RAP1GDS1: variants seen among roughly 807,000 people sequenced by gnomAD.
The protein encoded by RAP1GDS1 is Rap1 GTPase-GDP dissociation stimulator 1, also known as RAP1, GTP-GDP dissociation stimulator 1.
In RAP1GDS1, 35 loss-of-function variants were observed where a neutral mutation model predicts 71.1. That is an observed-to-expected ratio of 0.49 (90% confidence interval 0.38 to 0.65). The LOEUF is 0.65. RAP1GDS1 is among the 30% of genes least tolerant of loss of function. The probability of loss-of-function intolerance (pLI) is 0.00; values close to 1 mark genes in which losing one functional copy is unlikely to be tolerated. For synonymous variants in RAP1GDS1, 229 were observed against 243.1 expected (o/e 0.94, Z 0.54); for missense variants, 663 against 706.1 (o/e 0.94, Z 0.69).
At chr4:98,333,683 C>T (rs1438854901) in intron 2 of RAP1GDS1, among the ~76,000 whole-genome samples, 1 of 151,994 alleles carries the variant, frequency 6.6e-6, no homozygotes, top group Non-Finnish European at 1.5e-5. Context: ...TTATCTTTAA[C>T]AATTATACCT....
intron 5 of RAP1GDS1, among the ~76,000 whole-genome samples, chr4:98,381,937 A>ATGTC (rs1324073595): frequency 6.6e-6 from 1 of 151,580 alleles, no homozygotes; most frequent in African/African-American, 2.4e-5. Context: ...GAAACTTAGA[A>ATGTC]TGTCTTGATT....
intron 4 of RAP1GDS1, among the ~76,000 whole-genome samples, chr4:98,368,320 T>G (rs2110460421): frequency 6.6e-6 from 1 of 152,278 alleles, no homozygotes; most frequent in East Asian, 1.9e-4. Flanking sequence ...AATTGCCTAG[T>G]CTTGTGTATG....
At chr4:98,433,839 T>C in intron 12 of RAP1GDS1, 97 bp from the exon 13 acceptor site, 1 of 1,210,214 alleles carries the variant, frequency 8.3e-7, no homozygotes, top group Non-Finnish European at 1.2e-6. Flanking sequence ...TACAGGACAC[T>C]GTCGCAAAAC....
At chr4:98,424,951 TAAGAC>T (rs2110200743) in intron 12 of RAP1GDS1, among the ~76,000 whole-genome samples, 1 of 152,274 alleles carries the variant, frequency 6.6e-6, no homozygotes, top group African/African-American at 2.4e-5. Context: ...TATCTAAAGT[TAAGAC>T]AAAGGAAAGA....
chr4:98,388,507 C>T (rs1743100882), intron 5 of RAP1GDS1, among the ~76,000 whole-genome samples: 1 of 152,154 alleles, frequency 6.6e-6, no homozygotes, highest in Non-Finnish European at 1.5e-5. Flanking sequence ...GGATGGATCG[C>T]CTGAGGTCAG....
In RAP1GDS1 at chr4:98,343,196, T is replaced by G; in HGVS notation, c.170T>G (p.Leu57Arg). 6.2e-7 allele frequency: 1 copy of G among 1,605,692 alleles called. No homozygotes were observed. Among genetic ancestry groups the G allele is most frequent in the Non-Finnish European group, 8.5e-7 (1 of 1,172,480 alleles). Reference protein sequence around the residue: ...ASGILQLFASLLTPQSSCKAK... With the variant: ...ASGILQLFASRLTPQSSCKAK... The stretch of plus-strand genomic sequence containing the variant: ...GGAATACTTCAGCTGTTTGCAAGTC[T>G]GTTGACTCCACAGTCTTCCTGCAAA... The change falls in exon 3 of 15, where the codon CTG (leucine) becomes CGG (arginine). Residue 57 changes from leucine to arginine, a missense_variant. Leu to Arg is a moderately radical substitution (Grantham distance 102, BLOSUM62 -2). Transcript: ENST00000408927.
chr4:98,265,679 T>C (rs1722627282), intron 1 of RAP1GDS1, among the ~76,000 whole-genome samples: 2 of 152,106 alleles, frequency 1.3e-5, no homozygotes, highest in Non-Finnish European at 2.9e-5. Context: ...GGAATGGGGT[T>C]CCTTAAGTTT....
intron 7 of RAP1GDS1, among the ~76,000 whole-genome samples, chr4:98,411,088 A>G (rs1263378227): frequency 1.3e-5 from 2 of 152,196 alleles, no homozygotes; most frequent in East Asian, 1.9e-4. Context: ...TAAAATACCT[A>G]TATATGATGC....
rs537249102 is a variant in RAP1GDS1 at position 98,276,071 on chromosome 4, G to A, written c.4+14502G>A. On this transcript the variant is annotated intron_variant, in intron 1 of 14. Coordinates refer to ENST00000408927, the MANE Select transcript of RAP1GDS1 (RefSeq NM_001100427.2). ...TTTTTCCCACAGTTCTGGTGACTGG[G>A]AAGTTCAAGATCAAGGTGCTGGCAG... 1.6e-4 allele frequency among the ~76,000 whole-genome samples: 24 copies of A among 152,230 alleles called. No homozygotes were observed. In the East Asian group the frequency reaches 4.6e-3, roughly 29 times the overall value.
intron 11 of RAP1GDS1, among the ~76,000 whole-genome samples, chr4:98,420,621 C>A (rs1748707625): frequency 6.6e-6 from 1 of 152,138 alleles, no homozygotes; most frequent in Admixed American, 6.6e-5. Context: ...TTCAGCCTCC[C>A]AAAGTGCTGG....
intron 2 of RAP1GDS1, 132 bp from the exon 3 acceptor site, chr4:98,343,007 A>G (rs1735715256): frequency 1.1e-6 from 1 of 897,052 alleles, no homozygotes; most frequent in Non-Finnish European, 1.6e-6. Flanking sequence ...ATAAAGACAT[A>G]TATTTGAATG....
intron 3 of RAP1GDS1, among the ~76,000 whole-genome samples, chr4:98,344,469 A>G (rs558872681): frequency 9.5e-4 from 145 of 152,204 alleles, no homozygotes; most frequent in African/African-American, 3.2e-3. Flanking sequence ...TTTCTTAAGC[A>G]TTCTTATAGT....
chr4:98,289,554 C>CAA (rs6148589), intron 1 of RAP1GDS1, among the ~76,000 whole-genome samples: 57 of 101,980 alleles, frequency 5.6e-4, no homozygotes, highest in African/African-American at 1.7e-3. Flanking sequence ...CTCTGGTAAA[C>CAA]AAAAAAAAAA....
intron 4 of RAP1GDS1, among the ~76,000 whole-genome samples, chr4:98,376,449 T>C (rs184855306): frequency 3.9e-5 from 6 of 152,194 alleles, no homozygotes; most frequent in Admixed American, 3.3e-4. Flanking sequence ...AGCTGTTGTA[T>C]TTAAAATGAT....
At chr4:98,390,979 A>G (rs1200122088) in intron 5 of RAP1GDS1, among the ~76,000 whole-genome samples, 5 of 152,142 alleles carry the variant, frequency 3.3e-5, no homozygotes, top group African/African-American at 1.2e-4. Flanking sequence ...AAAATGGCAT[A>G]TCATTTTAAT....
intron 4 of RAP1GDS1, among the ~76,000 whole-genome samples, chr4:98,357,507 G>A (rs1738131229): frequency 6.6e-6 from 1 of 151,862 alleles, no homozygotes; most frequent in Non-Finnish European, 1.5e-5. Context: ...GATTGAAGTA[G>A]ATGTTGTTTT....
chr4:98,416,737 T>C lies in RAP1GDS1; in HGVS notation c.764-8T>C. 1.3e-6 allele frequency: 2 copies of C among 1,587,890 alleles called. No homozygotes were observed. Among genetic ancestry groups the C allele is most frequent in the Non-Finnish European group, 1.7e-6 (2 of 1,158,124 alleles). ...AAGTTTGATTATTTTGTTCACGTTG[T>C]TCTTTAGATGCTATTAAACTACAGC... On this transcript the variant is annotated splice_region_variant and splice_polypyrimidine_tract_variant and intron_variant, in intron 7 of 14. Coordinates refer to ENST00000408927, the MANE Select transcript of RAP1GDS1 (RefSeq NM_001100427.2).
chr4:98,422,573 G>T (rs774552216), intron 12 of RAP1GDS1, among the ~76,000 whole-genome samples: 20 of 152,172 alleles, frequency 1.3e-4, no homozygotes, highest in Non-Finnish European at 2.8e-4. Context: ...AACTTCAGTA[G>T]TGATTATATA....
intron 7 of RAP1GDS1, among the ~76,000 whole-genome samples, chr4:98,408,101 TA>T (rs764084754): frequency 2.8e-4 from 39 of 139,942 alleles, no homozygotes; most frequent in South Asian, 1.1e-3. Flanking sequence ...TATATATATA[TA>T]TATTTTTTTT....
Sources: gnomAD v4.1 joint callset for allele counts (sites outside exome capture counted in the v4.1 genomes callset) on GRCh38, gnomAD v4.1.1 for gene constraint, MANE v1.5 for transcripts, NCBI Gene and HGNC (gene_info 2026-07-23, HGNC 2026-07-21) for gene names.